Variants in PPM1L observed in about 807,000 individuals in gnomAD.
PPM1L encodes the protein protein phosphatase, Mg2+/Mn2+ dependent 1L, also known as protein phosphatase 1L.
Under a neutral mutation model 31.4 loss-of-function variants are expected in PPM1L, and 13 were observed. The observed-to-expected ratio is 0.41, with a 90% CI of 0.27 to 0.66. The LOEUF (loss-of-function observed/expected upper bound fraction) is 0.66, where lower values mean the gene tolerates loss of function less well. PPM1L is among the 30% of genes least tolerant of loss of function. The pLI is 0.29. For synonymous variants in PPM1L, 184 were observed against 175.4 expected, an observed-to-expected ratio of 1.05 and a Z score of -0.39; for missense variants, 326 against 453.7, an observed-to-expected ratio of 0.72 and a Z score of 2.56.
At chr3:161,052,971 A>G (rs1433883301) in intron 2 of PPM1L, among the ~76,000 whole-genome samples, 1 of 152,170 alleles carries the variant, frequency 6.6e-6, no homozygotes, top group East Asian at 1.9e-4. Context: ...AGTTCCTGTT[A>G]TACCCCACTC....
intron 1 of PPM1L, among the ~76,000 whole-genome samples, chr3:160,901,007 GA>G (rs1291012773): frequency 1.1e-4 from 16 of 151,964 alleles, no homozygotes; most frequent in African/African-American, 3.1e-4. Flanking sequence ...TAGCTCAATG[GA>G]CACTATTTCT....
In PPM1L at chr3:160,985,366, AG is replaced by A. The variant is rs1378380224; in HGVS notation, c.574+23457del. ...AAATTTTAAAGGGTAAGACTAGTTT[AG>A]ACATCATCACAAATAGTTCCCTTAC... On this transcript the variant is annotated intron_variant, in intron 2 of 3. Transcript: ENST00000498165. Among the ~76,000 whole-genome samples, 4 of 152,202 alleles carry A rather than the reference AG, an allele frequency of 2.6e-5. 1 individual carries two copies.
chr3:160,982,707 A>G (rs1716839730), intron 2 of PPM1L, among the ~76,000 whole-genome samples: 3 of 152,144 alleles, frequency 2.0e-5, no homozygotes, highest in Admixed American at 2.0e-4. Flanking sequence ...GAAGTCACTG[A>G]GGAGCTTGTC....
chr3:161,044,307 T>C (rs1352501892), intron 2 of PPM1L, among the ~76,000 whole-genome samples: 1 of 152,146 alleles, frequency 6.6e-6, no homozygotes, highest in African/African-American at 2.4e-5. Context: ...CCTAAAGTGC[T>C]GGGGTTACAG....
chr3:160,764,474 TC>T lies in PPM1L; in HGVS notation c.399+7768del, dbSNP rs71628428. On this transcript the variant is annotated intron_variant, in intron 1 of 3. Transcript: ENST00000498165. ...TTTTAATTCTCCCTCTCTCTCTCTCTCTTTTTTTTTTTAAGACGGTGTCTTG... is the reference window on the plus strand; with the variant it reads ...TTTTAATTCTCCCTCTCTCTCTCTCTTTTTTTTTTTTAAGACGGTGTCTTG... Among the ~76,000 whole-genome samples the T allele has an allele frequency of 7.4e-4, 110 of 148,980 alleles. No individual in the cohort carries two copies. The South Asian group carries it at 0.014, about 19-fold the overall frequency.
chr3:161,063,421 ATAAGCT>A (rs1050817284), intron 2 of PPM1L, among the ~76,000 whole-genome samples: 5 of 152,222 alleles, frequency 3.3e-5, no homozygotes, highest in African/African-American at 1.2e-4. Flanking sequence ...TTTTAGTTAA[ATAAGCT>A]TAAGAATGGA....
At chr3:161,031,502 C>CTGTTTATTTTTTTTT (rs1718564452) in intron 2 of PPM1L, among the ~76,000 whole-genome samples, 1 of 101,686 alleles carries the variant, frequency 9.8e-6, no homozygotes, top group Non-Finnish European at 1.8e-5. Context: ...GTATTCTGTC[C>CTGTTTATTTTTTTTT]TTTTTTTTTT....
intron 1 of PPM1L, among the ~76,000 whole-genome samples, chr3:160,930,021 CCT>C (rs764310474): frequency 6.6e-6 from 1 of 152,202 alleles, no homozygotes; most frequent in Non-Finnish European, 1.5e-5. Flanking sequence ...ATCACTCATC[CCT>C]CTGTGTTACA....
At chr3:160,918,612 AT>A (rs1183006898) in intron 1 of PPM1L, among the ~76,000 whole-genome samples, 7 of 152,196 alleles carry the variant, frequency 4.6e-5, no homozygotes, top group Non-Finnish European at 7.4e-5. Flanking sequence ...AAGAGTTCTT[AT>A]TTGATATAAA....
rs1398067516 is a variant in PPM1L, at chr3:161,011,484, T to C, written c.574+49574T>C. On this transcript the variant is annotated intron_variant, in intron 2 of 3. Transcript: ENST00000498165. ...CAGCTTTGTTCTTTTGGCTTAGGAT[T>C]GTCTTGGCAATGTGGGCTCTTTTTT... Among the ~76,000 whole-genome samples the C allele has an allele frequency of 2.0e-5, 3 of 152,150 alleles. No individual in the cohort carries two copies. The East Asian group carries it at 5.8e-4, about 29-fold the overall frequency.
chr3:161,041,797 G>A (rs1251167468), intron 2 of PPM1L, among the ~76,000 whole-genome samples: 1 of 151,970 alleles, frequency 6.6e-6, no homozygotes, highest in African/African-American at 2.4e-5. Context: ...TTCTTAAAGG[G>A]TGCCTGGATC....
At chr3:161,009,622 A>G (rs1386786637) in intron 2 of PPM1L, among the ~76,000 whole-genome samples, 1 of 152,140 alleles carries the variant, frequency 6.6e-6, no homozygotes, top group Non-Finnish European at 1.5e-5. Flanking sequence ...TTCACTTGTT[A>G]TTGCATCTCC....
chr3:160,836,235 G>C (rs1375909247), intron 1 of PPM1L, among the ~76,000 whole-genome samples: 1 of 152,036 alleles, frequency 6.6e-6, no homozygotes, highest in African/African-American at 2.4e-5. Flanking sequence ...AAGGAAGAGA[G>C]AGTATTTTTA....
chr3:160,823,785 G>T (rs2108092631), intron 1 of PPM1L, among the ~76,000 whole-genome samples: 1 of 152,214 alleles, frequency 6.6e-6, no homozygotes, highest in East Asian at 1.9e-4. Context: ...GGCACAGAAA[G>T]ATAATGTAAT....
chr3:160,931,840 G>A (rs1488002414), intron 1 of PPM1L, among the ~76,000 whole-genome samples: 4 of 152,164 alleles, frequency 2.6e-5, no homozygotes, highest in Non-Finnish European at 1.5e-5. Context: ...GTAGAGCTAA[G>A]AATTTGTTTT....
chr3:161,022,657 CTTTTTTTTT>C (rs71147399), intron 2 of PPM1L, among the ~76,000 whole-genome samples: 1 of 93,716 alleles, frequency 1.1e-5, no homozygotes, highest in South Asian at 3.9e-4. Context: ...ATTTCTCCTT[CTTTTTTTTT>C]TTTTTTTTTT....
chr3:160,903,389 C>G (rs139517547), intron 1 of PPM1L, among the ~76,000 whole-genome samples: 1 of 152,166 alleles, frequency 6.6e-6, no homozygotes, highest in Non-Finnish European at 1.5e-5. Flanking sequence ...TAGGAAAACT[C>G]AATTTTTGCT....
chr3:160,886,773 G>A (rs959503361), intron 1 of PPM1L, among the ~76,000 whole-genome samples: 7 of 152,038 alleles, frequency 4.6e-5, no homozygotes, highest in East Asian at 1.9e-4. Context: ...ACAAAAAAAC[G>A]CAGAAAACCC....
intron 2 of PPM1L, among the ~76,000 whole-genome samples, chr3:161,042,085 A>G (rs1718928659): frequency 6.6e-6 from 1 of 152,030 alleles, no homozygotes. Context: ...CCCTTGGCTA[A>G]CTCCCCATTC....
Sources: gnomAD v4.1 joint callset for allele counts (sites outside exome capture counted in the v4.1 genomes callset) on GRCh38, gnomAD v4.1.1 for gene constraint, MANE v1.5 for transcripts, NCBI Gene and HGNC (gene_info 2026-07-23, HGNC 2026-07-21) for gene names.